The following ZMAT4 variants were observed in gnomAD, a reference collection of about 807,000 sequenced individuals.
ZMAT4 encodes zinc finger matrin-type protein 4.
A neutral mutation model predicts 28.7 loss-of-function variants in ZMAT4; 17 were observed. That is an observed-to-expected ratio of 0.59 (90% CI 0.41 to 0.89). The LOEUF (loss-of-function observed/expected upper bound fraction) is 0.89. ZMAT4 is among the 40% of genes least tolerant of loss of function. The probability of loss-of-function intolerance (pLI) is 0.00; values close to 1 mark genes in which losing one functional copy is unlikely to be tolerated. For missense variants in ZMAT4, 240 were observed against 283.8 expected, an observed-to-expected ratio of 0.85 and a Z score of 1.11; for synonymous variants, 117 against 109.2, an observed-to-expected ratio of 1.07 and a Z score of -0.44.
chr8:40,582,478 G>A (rs1286974182), intron 5 of ZMAT4, among the ~76,000 whole-genome samples: 1 of 151,860 alleles, frequency 6.6e-6, no homozygotes, highest in Non-Finnish European at 1.5e-5. Flanking sequence ...GACAGAGTGA[G>A]GCCTTGTCTC....
intron 5 of ZMAT4, among the ~76,000 whole-genome samples, chr8:40,592,844 C>T (rs897506704): frequency 1.2e-4 from 19 of 152,182 alleles, no homozygotes; most frequent in African/African-American, 4.6e-4. Flanking sequence ...CTTCAGACAA[C>T]CTTGATTTTG....
At chr8:40,825,180 AAC>A (rs992997220) in intron 2 of ZMAT4, among the ~76,000 whole-genome samples, 2 of 152,136 alleles carry the variant, frequency 1.3e-5, no homozygotes, top group Non-Finnish European at 2.9e-5. Flanking sequence ...TACAGTGTTT[AAC>A]AAAGGTCTTC....
chr8:40,718,516 A>T (rs551101318), intron 3 of ZMAT4, among the ~76,000 whole-genome samples: 61 of 144,112 alleles, frequency 4.2e-4, no homozygotes, highest in Middle Eastern at 3.4e-3. Flanking sequence ...ATTTTTTTTT[A>T]AATTTCCAGT....
rs78598522 is a variant in ZMAT4, at chr8:40,800,211, A to G, written c.102+25364T>C. On this transcript the variant is annotated intron_variant, in intron 2 of 6. Transcript: ENST00000297737. ...GAAGACATAACAATCCTTAAAGTGT[A>G]TAGACCTAATAACAAGGCGTCAAAA... Among the ~76,000 whole-genome samples the G allele has an allele frequency of 2.8e-3, 429 of 152,366 alleles. 2 individuals are homozygous for G. The highest frequency in any genetic ancestry group is 4.9e-3 in the Non-Finnish European group (334 of 68,030).
At chr8:40,616,186 G>C (rs981304484) in intron 5 of ZMAT4, among the ~76,000 whole-genome samples, 1 of 152,166 alleles carries the variant, frequency 6.6e-6, no homozygotes, top group African/African-American at 2.4e-5. Flanking sequence ...ACCACAATGA[G>C]ATACCATCTC....
At chr8:40,543,600 G>A (rs1175805792) in intron 6 of ZMAT4, among the ~76,000 whole-genome samples, 1 of 152,172 alleles carries the variant, frequency 6.6e-6, no homozygotes, top group Non-Finnish European at 1.5e-5. Flanking sequence ...GGAACCTAGA[G>A]CAGATGACTT....
At chr8:40,885,238 C>T (rs1016832050) in intron 1 of ZMAT4, among the ~76,000 whole-genome samples, 4 of 152,208 alleles carry the variant, frequency 2.6e-5, no homozygotes, top group African/African-American at 9.7e-5. Context: ...CTTCTACAGT[C>T]TTTCCCACCA....
At chr8:40,864,008 T>C (rs1817591904) in intron 1 of ZMAT4, among the ~76,000 whole-genome samples, 1 of 152,228 alleles carries the variant, frequency 6.6e-6, no homozygotes, top group African/African-American at 2.4e-5. Context: ...TCACATGGTG[T>C]CCAACATAGG....
chr8:40,683,204 G>A (rs1376499570), intron 4 of ZMAT4, among the ~76,000 whole-genome samples: 5 of 152,182 alleles, frequency 3.3e-5, no homozygotes, highest in Non-Finnish European at 5.9e-5. Flanking sequence ...ATAAACTGCT[G>A]TACTTGAGGA....
intron 5 of ZMAT4, among the ~76,000 whole-genome samples, chr8:40,608,439 T>C (rs1473954940): frequency 1.3e-5 from 2 of 152,082 alleles, no homozygotes; most frequent in African/African-American, 2.4e-5. Flanking sequence ...CCCAACAGCA[T>C]TGAGTTTATT....
chr8:40,590,578 T>C (rs1804858676), intron 5 of ZMAT4, among the ~76,000 whole-genome samples: 1 of 152,112 alleles, frequency 6.6e-6, no homozygotes, highest in Non-Finnish European at 1.5e-5. Context: ...TCTTTGTTGA[T>C]AATTTTCTTA....
At chr8:40,654,213 C>T (rs1268738495) in intron 5 of ZMAT4, among the ~76,000 whole-genome samples, 1 of 152,158 alleles carries the variant, frequency 6.6e-6, no homozygotes, top group East Asian at 1.9e-4. Flanking sequence ...CCCAGAGACT[C>T]CCTGCCATGC....
chr8:40,836,916 A>G (rs1362343900), intron 1 of ZMAT4, among the ~76,000 whole-genome samples: 2 of 152,238 alleles, frequency 1.3e-5, no homozygotes, highest in Admixed American at 1.3e-4. Flanking sequence ...TGATCGGTAG[A>G]TAAATAGATA....
chr8:40,818,977 T>C (rs1173304305), intron 2 of ZMAT4, among the ~76,000 whole-genome samples: 2 of 152,192 alleles, frequency 1.3e-5, no homozygotes, highest in African/African-American at 4.8e-5. Flanking sequence ...AATTTTCACC[T>C]TTTTATCACT....
intron 5 of ZMAT4, among the ~76,000 whole-genome samples, chr8:40,603,481 A>G (rs1030517226): frequency 6.6e-6 from 1 of 152,154 alleles, no homozygotes; most frequent in Non-Finnish European, 1.5e-5. Flanking sequence ...GGTATTTTGA[A>G]GGAAATTACA....
chr8:40,896,946 A>C (rs1818898723), intron 1 of ZMAT4, among the ~76,000 whole-genome samples: 2 of 147,342 alleles, frequency 1.4e-5, no homozygotes. Context: ...ACCAAACCGA[A>C]CTCTCTATCC....
At chr8:40,788,490 C>T (rs1372085836) in intron 2 of ZMAT4, among the ~76,000 whole-genome samples, 1 of 152,070 alleles carries the variant, frequency 6.6e-6, no homozygotes, top group East Asian at 1.9e-4. Flanking sequence ...GAGGCTGAGG[C>T]AGAAGAATGG....
chr8:40,598,581 T>G (rs1368683856), intron 5 of ZMAT4, among the ~76,000 whole-genome samples: 1 of 152,214 alleles, frequency 6.6e-6, no homozygotes, highest in Non-Finnish European at 1.5e-5. Flanking sequence ...CCATGGTGTA[T>G]GTGTGCCATA....
chr8:40,618,284 C>T (rs1306003707), intron 5 of ZMAT4, among the ~76,000 whole-genome samples: 1 of 152,164 alleles, frequency 6.6e-6, no homozygotes, highest in Non-Finnish European at 1.5e-5. Flanking sequence ...ACGAGGCAGC[C>T]TGTTCTTCTG....
Sources: allele counts gnomAD v4.1 joint callset (sites outside exome capture counted in the v4.1 genomes callset), GRCh38; gene constraint gnomAD v4.1.1; transcripts MANE v1.5; gene names NCBI Gene and HGNC (gene_info 2026-07-23, HGNC 2026-07-21).